RPTOR: variants seen among roughly 807,000 people sequenced by gnomAD.
The protein encoded by RPTOR is regulatory associated protein of MTOR complex 1, also known as regulatory-associated protein of mTOR.
Under a neutral mutation model 169.9 loss-of-function variants are expected in RPTOR, and 21 were observed. The ratio of observed to expected loss-of-function variants is 0.12; its 90% CI spans 0.09 to 0.18. The LOEUF (loss-of-function observed/expected upper bound fraction) is 0.18, where lower values mean the gene tolerates loss of function less well. Ranked by LOEUF, RPTOR falls within the 10% of genes least tolerant of loss-of-function variation. The probability of loss-of-function intolerance (pLI) is 1.00; values close to 1 mark genes in which losing one functional copy is unlikely to be tolerated. For synonymous variants in RPTOR, 732 were observed against 753.2 expected, an observed-to-expected ratio of 0.97 and a Z score of 0.46; for missense variants, 1,133 against 1,855.9, an observed-to-expected ratio of 0.61 and a Z score of 7.16.
chr17:80,724,647 T>C (rs1284315956), intron 4 of RPTOR, among the ~76,000 whole-genome samples: 1 of 152,096 alleles, frequency 6.6e-6, no homozygotes, highest in Non-Finnish European at 1.5e-5. Flanking sequence ...ATTTCCAGGC[T>C]CATCACATCT....
At chr17:80,886,954 T>C (rs1365349535) in intron 17 of RPTOR, among the ~76,000 whole-genome samples, 1 of 152,126 alleles carries the variant, frequency 6.6e-6, no homozygotes, top group Non-Finnish European at 1.5e-5. Context: ...CCTGGAGTGC[T>C]GTGGAGCTCC....
chr17:80,574,722 C>T (rs1015745948), intron 1 of RPTOR, among the ~76,000 whole-genome samples: 1 of 151,984 alleles, frequency 6.6e-6, no homozygotes, highest in African/African-American at 2.4e-5. Flanking sequence ...GTGGTGCGAT[C>T]ATGGCTCACT....
intron 1 of RPTOR, among the ~76,000 whole-genome samples, chr17:80,569,709 A>G (rs1055461055): frequency 3.9e-5 from 6 of 152,256 alleles, no homozygotes; most frequent in South Asian, 2.1e-4. Flanking sequence ...GGCAAAATCT[A>G]TATGTCCCAC....
chr17:80,616,913 C>A (rs544588892), intron 1 of RPTOR, among the ~76,000 whole-genome samples: 1 of 152,328 alleles, frequency 6.6e-6, no homozygotes, highest in Admixed American at 6.5e-5. Flanking sequence ...TTCCTCACAC[C>A]GGTCCAGCTT....
rs117627774 is a variant in RPTOR, at chr17:80,856,357, C to T, written c.1398+810C>T. 2.3e-3 allele frequency among the ~76,000 whole-genome samples: 353 copies of T among 152,320 alleles called. 13 individuals carry two copies. In the East Asian group the frequency reaches 0.06, roughly 26 times the overall value. ...AATATTCACCAATGAAATCACATGACATATGAGCCTTAATTTACTGTGCTT... is the reference window on the plus strand; with the variant it reads ...AATATTCACCAATGAAATCACATGATATATGAGCCTTAATTTACTGTGCTT... On this transcript the variant is annotated intron_variant, in intron 12 of 33. Transcript: ENST00000306801.
chr17:80,858,052 C>G (rs1316280629), intron 13 of RPTOR, 152 bp downstream of exon 13: 3 of 661,096 alleles, frequency 4.5e-6, no homozygotes, highest in Non-Finnish European at 8.0e-6. Flanking sequence ...TAAAGTGGGA[C>G]GCGCCCGCCT....
intron 13 of RPTOR, among the ~76,000 whole-genome samples, chr17:80,870,793 G>T (rs1470766191): frequency 6.6e-6 from 1 of 152,202 alleles, no homozygotes; most frequent in Admixed American, 6.5e-5. Context: ...ACTGGAAAAG[G>T]TAGTAAATAG....
chr17:80,762,805 A>G (rs1453136407), intron 6 of RPTOR, among the ~76,000 whole-genome samples: 1 of 152,232 alleles, frequency 6.6e-6, no homozygotes, highest in African/African-American at 2.4e-5. Context: ...CATGAGAGGC[A>G]GAGACAAAGT....
At chr17:80,893,463 G>T (rs2068357622) in intron 19 of RPTOR, among the ~76,000 whole-genome samples, 1 of 140,702 alleles carries the variant, frequency 7.1e-6, no homozygotes, top group African/African-American at 2.6e-5. Context: ...ATACGCGCCA[G>T]GTTGTGTCTG....
intron 1 of RPTOR, among the ~76,000 whole-genome samples, chr17:80,575,302 C>T (rs2064952287): frequency 6.6e-6 from 1 of 152,180 alleles, no homozygotes; most frequent in South Asian, 2.1e-4. Context: ...GCTGGATATA[C>T]AGTATTTTTG....
At chr17:80,937,875 G>T (rs571140687) in intron 24 of RPTOR, among the ~76,000 whole-genome samples, 1 of 152,280 alleles carries the variant, frequency 6.6e-6, no homozygotes, top group Non-Finnish European at 1.5e-5. Flanking sequence ...CCTGCCTCAC[G>T]CCGCACCTCC....
rs2067566355 is a variant in RPTOR, at chr17:80,836,510, C to T, written c.1137-1412C>T. Among the ~76,000 whole-genome samples, 3 of 152,326 alleles carry T rather than the reference C, an allele frequency of 2.0e-5. No homozygotes were observed. The South Asian group carries it at 6.2e-4, about 32-fold the overall frequency. The stretch of plus-strand genomic sequence containing the variant: ...CAGTCTCATGATCATGTCTCCCTCA[C>T]AGTGTCCTTGTAGAGCAGCTGACAC... On this transcript the variant is annotated intron_variant, in intron 9 of 33. Transcript: ENST00000306801.
At chr17:80,865,136 T>C (rs370453197) in intron 13 of RPTOR, among the ~76,000 whole-genome samples, 43 of 152,352 alleles carry the variant, frequency 2.8e-4, no homozygotes, top group African/African-American at 9.6e-4. Context: ...TGAACTGCAG[T>C]AGTCCATAAA....
chr17:80,815,019 A>C (rs777310406), intron 7 of RPTOR, among the ~76,000 whole-genome samples: 11 of 152,258 alleles, frequency 7.2e-5, no homozygotes, highest in Non-Finnish European at 1.5e-4. Context: ...GAGAATGACA[A>C]GTCTGACATG....
At position 80,947,496 on chromosome 17, in the gene RPTOR, A is replaced by G. The variant is rs1489352327; in HGVS notation, c.3265+145A>G. Reference sequence around the variant, plus strand: ...GGGCCACTGTCATTCAGAAGTGGGGAGGTTTATGAGGGAAAGGGCTTCAGC... The same window carrying G: ...GGGCCACTGTCATTCAGAAGTGGGGGGGTTTATGAGGGAAAGGGCTTCAGC... On this transcript the variant is annotated intron_variant, in intron 27 of 33. Transcript: ENST00000306801. This position sits in a 1 kb window ranked among gnomAD's most constrained non-coding sequence, Gnocchi z 4.4. 1 of 1,130,386 alleles carries G rather than the reference A, an allele frequency of 8.8e-7. No homozygotes were observed. Among genetic ancestry groups the G allele is most frequent in the Non-Finnish European group, 1.2e-6 (1 of 865,964 alleles). 70.0% of individuals were successfully genotyped at this position (1,130,386 alleles called of 1,614,324 possible). A position where few individuals can be genotyped will look rare whatever the true frequency, so the allele number is the denominator to read the frequency against.
At chr17:80,697,726 C>T (rs1475573761) in intron 3 of RPTOR, among the ~76,000 whole-genome samples, 1 of 152,184 alleles carries the variant, frequency 6.6e-6, no homozygotes, top group African/African-American at 2.4e-5. Flanking sequence ...AGAGGGCTCG[C>T]AGGTGGTGCT....
At chr17:80,666,554 A>T (rs1014665413) in intron 3 of RPTOR, among the ~76,000 whole-genome samples, 1 of 152,216 alleles carries the variant, frequency 6.6e-6, no homozygotes, top group Non-Finnish European at 1.5e-5. Context: ...TATTGGCCAT[A>T]TATGCGTCAC....
At chr17:80,831,249 A>G (rs1474963723) in intron 9 of RPTOR, among the ~76,000 whole-genome samples, 1 of 152,162 alleles carries the variant, frequency 6.6e-6, no homozygotes, top group Non-Finnish European at 1.5e-5. Flanking sequence ...TGCACTGCCC[A>G]GAGACCAGGC....
chr17:80,611,206 C>T (rs2065268343), intron 1 of RPTOR, among the ~76,000 whole-genome samples: 1 of 152,162 alleles, frequency 6.6e-6, no homozygotes, highest in Non-Finnish European at 1.5e-5. Flanking sequence ...TTTGCTCTTT[C>T]TGTCACACTT....
Sources: gnomAD v4.1 joint callset for allele counts (sites outside exome capture counted in the v4.1 genomes callset) on GRCh38, gnomAD v4.1.1 for gene constraint, Gnocchi (gnomAD v3.1) non-coding constraint, MANE v1.5 for transcripts, NCBI Gene and HGNC (gene_info 2026-07-23, HGNC 2026-07-21) for gene names.